SASS6: variants seen among roughly 807,000 people sequenced by gnomAD.
SASS6 encodes spindle assembly abnormal protein 6 homolog.
In SASS6, 59 loss-of-function variants were observed where a neutral mutation model predicts 94.9. The ratio of observed to expected loss-of-function variants is 0.62; its 90% CI spans 0.50 to 0.77. The LOEUF (loss-of-function observed/expected upper bound fraction) is 0.77, where lower values mean the gene tolerates loss of function less well. Among genes scored for constraint, SASS6 ranks in the 30% least tolerant of loss-of-function variants. The pLI is 0.00. For synonymous variants in SASS6, 264 were observed against 270.0 expected, an observed-to-expected ratio of 0.98 and a Z score of 0.22; for missense variants, 698 against 734.1, an observed-to-expected ratio of 0.95 and a Z score of 0.57.
At position 100,119,123 on chromosome 1, in the gene SASS6, T is replaced by A. The variant is rs1016707345; in HGVS notation, c.564A>T (p.Lys188Asn). The A allele has an allele frequency of 3.8e-6, 6 of 1,564,698 alleles. No homozygotes were observed. Among genetic ancestry groups the A allele is most frequent in the Middle Eastern group, 3.4e-4 (2 of 5,928 alleles). Residue 188 changes from lysine to asparagine, a missense_variant, in exon 7 of 17, where the codon AAA becomes AAT. Transcript: ENST00000287482. ...LDFTRKTLAE[K>N]KQELDKLRNE... ...TCCGTAACTTATCTAATTCTTGTTT[T>A]TTTTCTGCTAATGTCTACATTAGAG...
chr1:100,087,461 T>A (rs1293728294), intron 15 of SASS6, among the ~76,000 whole-genome samples: 1 of 152,196 alleles, frequency 6.6e-6, no homozygotes, highest in East Asian at 1.9e-4. Context: ...ATTTAATAAA[T>A]AACTATATTA....
At chr1:100,120,495 A>ACTG in intron 5 of SASS6, 36 bp from the exon 6 acceptor site, 2 of 937,118 alleles carry the variant, frequency 2.1e-6, no homozygotes, top group Non-Finnish European at 3.5e-6. Context: ...ACAGTTTACA[A>ACTG]TGTAATCATC....
At chr1:100,096,971 T>C (rs1652146658) in intron 14 of SASS6, among the ~76,000 whole-genome samples, 1 of 152,034 alleles carries the variant, frequency 6.6e-6, no homozygotes, top group African/African-American at 2.4e-5. Flanking sequence ...AAAAATTAGC[T>C]GGACGTGGTG....
chr1:100,117,191 C>T (rs1653853449), intron 7 of SASS6, among the ~76,000 whole-genome samples: 1 of 150,926 alleles, frequency 6.6e-6, no homozygotes, highest in African/African-American at 2.4e-5. Flanking sequence ...ACTTGGGAGG[C>T]TGAGGTAGGA....
chr1:100,126,188 G>A (rs1445857092), intron 1 of SASS6, among the ~76,000 whole-genome samples: 1 of 152,210 alleles, frequency 6.6e-6, no homozygotes, highest in Non-Finnish European at 1.5e-5. Flanking sequence ...ATATCGTGAG[G>A]ATTAAATGAA....
At chr1:100,096,237 C>A (rs1652088390) in intron 14 of SASS6, among the ~76,000 whole-genome samples, 1 of 152,126 alleles carries the variant, frequency 6.6e-6, no homozygotes, top group Admixed American at 6.6e-5. Context: ...TGAAATAAAT[C>A]CTTACATGGT....
At chr1:100,110,932 A>G (rs976573144) in intron 7 of SASS6, among the ~76,000 whole-genome samples, 5 of 152,010 alleles carry the variant, frequency 3.3e-5, no homozygotes, top group African/African-American at 7.2e-5. Flanking sequence ...TTATAATGGA[A>G]AAACACCTAA....
intron 15 of SASS6, 60 bp from the exon 16 acceptor site, chr1:100,085,690 T>A: frequency 2.0e-6 from 2 of 986,110 alleles, no homozygotes; most frequent in Non-Finnish European, 3.2e-6. Flanking sequence ...TGAAGGTTTA[T>A]CTCATATGTA....
intron 7 of SASS6, among the ~76,000 whole-genome samples, chr1:100,113,424 C>T (rs933372706): frequency 4.0e-5 from 6 of 151,710 alleles, no homozygotes; most frequent in African/African-American, 1.2e-4. Flanking sequence ...CTGGCTAACA[C>T]GGTGAAACCC....
In SASS6 at chr1:100,119,018, C is replaced by T. The variant is rs1653979766; in HGVS notation, c.669G>A (p.Gln223=). The stretch of plus-strand genomic sequence containing the variant: ...TTTCAGTTTCCTTTAATGTTCTTAC[C>T]TGCAAGGCTTTTTCCTTTTCATTTG... ...ELTNEKEKAL[Q]AQVQYQQQHE... is the part of the protein sequence containing the mutation. Residue 223 remains glutamine (Q), a splice_region_variant and synonymous_variant, in exon 7 of 17, where the codon CAG becomes CAA. Transcript: ENST00000287482. 1 of 1,557,674 alleles carries T rather than the reference C, an allele frequency of 6.4e-7. No homozygotes were observed. Among genetic ancestry groups the T allele is most frequent in the Non-Finnish European group, 8.7e-7 (1 of 1,149,586 alleles).
chr1:100,094,329 A>C (rs1214729486), intron 14 of SASS6, among the ~76,000 whole-genome samples: 1 of 152,240 alleles, frequency 6.6e-6, no homozygotes, highest in Non-Finnish European at 1.5e-5. Flanking sequence ...CCTCCGGCAA[A>C]AAAATTTCCA....
chr1:100,088,778 T>G (rs1651481615), intron 14 of SASS6, among the ~76,000 whole-genome samples: 1 of 150,208 alleles, frequency 6.7e-6, no homozygotes, highest in Non-Finnish European at 1.5e-5. Flanking sequence ...GGGGTTACAG[T>G]GAGTTATGAT....
intron 6 of SASS6, among the ~76,000 whole-genome samples, chr1:100,119,438 T>C (rs188487111): frequency 1.2e-4 from 18 of 152,350 alleles, no homozygotes; most frequent in Admixed American, 9.8e-4. Context: ...AAGTCGATTA[T>C]AAGGAATAGT....
chr1:100,123,636 C>A (rs569847653), intron 2 of SASS6, among the ~76,000 whole-genome samples: 2 of 152,320 alleles, frequency 1.3e-5, no homozygotes, highest in East Asian at 3.8e-4. Context: ...GAACATACCA[C>A]ATTCAATTTT....
chr1:100,121,506 A>T lies in SASS6; in HGVS notation c.355T>A (p.Ser119Thr). The change falls in exon 5 of 17, where the codon TCA (serine) becomes ACA (threonine). Residue 119 changes from serine (S) to threonine (T), a missense_variant. By Grantham distance (58) the Ser-to-Thr change is moderately conservative. Coordinates refer to ENST00000287482, the MANE Select transcript of SASS6 (RefSeq NM_194292.3). ...TCTACCACATTTAAAAATGCAGGTG[A>T]GTTATCCAAAATAGCTGCTGGAGAA... Reference protein sequence around the residue: ...LVSPAAILDNSPAFLNVVETN... With the variant: ...LVSPAAILDNTPAFLNVVETN... The T allele has an allele frequency of 6.2e-7, 1 of 1,600,400 alleles. No homozygotes were observed. The highest frequency in any genetic ancestry group is 1.1e-5 in the South Asian group (1 of 89,004).
At chr1:100,127,044 T>C (rs1451995717) in intron 1 of SASS6, among the ~76,000 whole-genome samples, 1 of 152,214 alleles carries the variant, frequency 6.6e-6, no homozygotes, top group Non-Finnish European at 1.5e-5. Context: ...CTATGCTGTA[T>C]CTTAGAGAAT....
At chr1:100,128,593 T>C (rs1267314172) in intron 1 of SASS6, among the ~76,000 whole-genome samples, 2 of 152,216 alleles carry the variant, frequency 1.3e-5, no homozygotes, top group African/African-American at 2.4e-5. Context: ...AAATATGCTG[T>C]AGAAAAATAC....
intron 7 of SASS6, among the ~76,000 whole-genome samples, chr1:100,118,469 T>C (rs1364430678): frequency 6.6e-6 from 1 of 152,224 alleles, no homozygotes; most frequent in Non-Finnish European, 1.5e-5. Flanking sequence ...TATACAGATA[T>C]GTTGCAGTTT....
chr1:100,100,848 G>A (rs1434944192), intron 14 of SASS6, among the ~76,000 whole-genome samples: 1 of 152,202 alleles, frequency 6.6e-6, no homozygotes, highest in Non-Finnish European at 1.5e-5. Context: ...GGTATTTGGT[G>A]CTTTAAAGTG....
Sources: allele counts gnomAD v4.1 joint callset (sites outside exome capture counted in the v4.1 genomes callset), GRCh38; gene constraint gnomAD v4.1.1; transcripts MANE v1.5; gene names NCBI Gene and HGNC (gene_info 2026-07-23, HGNC 2026-07-21).